LGALS4: variants seen among roughly 807,000 people sequenced by gnomAD.
LGALS4 encodes the protein galectin 4.
LGALS4 carries 37 observed loss-of-function variants against 39.6 expected under a neutral mutation model. That is an observed-to-expected ratio of 0.93 (90% CI 0.72 to 1.23). The LOEUF is 1.23. Among genes scored for constraint, LGALS4 ranks in the 50% most tolerant of loss-of-function variants. The pLI is 0.00. For missense variants in LGALS4, 397 were observed against 433.2 expected (o/e 0.92, Z 0.74); for synonymous variants, 160 against 165.5 (o/e 0.97, Z 0.25).
intron 4 of LGALS4, among the ~76,000 whole-genome samples, chr19:38,805,196 T>C (rs1426899671): frequency 6.7e-6 from 1 of 148,658 alleles, no homozygotes. Context: ...ATAATAATAA[T>C]AATAATAATA....
At chr19:38,803,720 C>T (rs1238755036) in intron 6 of LGALS4, 22 bp downstream of exon 6, 2 of 1,611,344 alleles carry the variant, frequency 1.2e-6, no homozygotes, top group Non-Finnish European at 1.7e-6. Flanking sequence ...TCACCCGGGG[C>T]CCTCCCAGCC....
intron 2 of LGALS4, among the ~76,000 whole-genome samples, chr19:38,811,309 C>A (rs1005077041): frequency 6.6e-6 from 1 of 151,912 alleles, no homozygotes; most frequent in African/African-American, 2.4e-5. Context: ...AATAGGCACT[C>A]AGTGAAGAAG....
intron 2 of LGALS4, among the ~76,000 whole-genome samples, chr19:38,811,304 G>C (rs958503996): frequency 1.3e-5 from 2 of 151,948 alleles, no homozygotes; most frequent in African/African-American, 4.8e-5. Context: ...CACAGAATAG[G>C]CACTCAGTGA....
chr19:38,801,722 G>A lies in LGALS4; in HGVS notation c.*42C>T. 3 of 1,606,386 alleles carry A rather than the reference G, an allele frequency of 1.9e-6. No individual in the cohort carries two copies. Among genetic ancestry groups the A allele is most frequent in the Non-Finnish European group, 2.6e-6 (3 of 1,174,524 alleles). ...TAGGGGCTTAGAAAGGAGTCCTAGG[G>A]GATAATTCTGTTTTCCCATGAGTTA... On this transcript the variant is annotated 3_prime_UTR_variant, in exon 10 of 10. Transcript: ENST00000307751.
intron 3 of LGALS4, among the ~76,000 whole-genome samples, chr19:38,807,404 C>G (rs1290629208): frequency 6.6e-6 from 1 of 151,988 alleles, no homozygotes; most frequent in African/African-American, 2.4e-5. Flanking sequence ...GCAAAAAACA[C>G]AAAGTGGTAG....
chr19:38,806,231 G>A (rs2145355863), intron 4 of LGALS4, among the ~76,000 whole-genome samples: 1 of 152,056 alleles, frequency 6.6e-6, no homozygotes, highest in African/African-American at 2.4e-5. Flanking sequence ...AGCCGGGCGT[G>A]GTGGCAGGCT....
chr19:38,806,587 TACC>T lies in LGALS4; in HGVS notation c.345_347del (p.Val116del). 1.2e-6 allele frequency: 2 copies of T among 1,613,768 alleles called. No individual in the cohort carries two copies. Among genetic ancestry groups the T allele is most frequent in the South Asian group, 2.2e-5 (2 of 91,070 alleles). Reference sequence around the variant, plus strand: ...CGTACTCATAGAAGGGATTTCCATTTACCACCACCTGGAGGGCAGAGATGGGAG... The same window carrying T: ...CGTACTCATAGAAGGGATTTCCATTTACCACCTGGAGGGCAGAGATGGGAG... On this transcript the variant is annotated inframe_deletion, in exon 4 of 10. Coordinates refer to ENST00000307751, the MANE Select transcript of LGALS4 (RefSeq NM_006149.4).
chr19:38,809,064 C>G, intron 2 of LGALS4, 116 bp from the exon 3 acceptor site: 1 of 844,258 alleles, frequency 1.2e-6, no homozygotes, highest in Non-Finnish European at 1.8e-6. Flanking sequence ...CGGACCTCAG[C>G]ACCAGCTCTG....
chr19:38,809,212 T>A (rs538542500), intron 2 of LGALS4, among the ~76,000 whole-genome samples: 1 of 145,122 alleles, frequency 6.9e-6, no homozygotes, highest in East Asian at 2.1e-4. Flanking sequence ...GGAGTCTTGC[T>A]CTGTTGCCCA....
At chr19:38,804,708 C>T (rs1775079399) in intron 4 of LGALS4, among the ~76,000 whole-genome samples, 1 of 151,988 alleles carries the variant, frequency 6.6e-6, no homozygotes, top group South Asian at 2.1e-4. Flanking sequence ...TGCCTGTAAT[C>T]ACAGCTACTT....
Position 38,802,109 on chromosome 19 carries a change from G to T in LGALS4, c.708C>A (p.His236Gln), listed in dbSNP as rs1449062223. 8 of 1,614,176 alleles carry T rather than the reference G, an allele frequency of 5.0e-6. No individual in the cohort carries two copies. Among genetic ancestry groups the T allele is most frequent in the Middle Eastern group, 1.7e-4 (1 of 6,058 alleles). ...TACCGTTGCCCATGCGGGGATTAATGTGCAGAGCTATGTCCCCTGAGGAGC... is the reference window on the plus strand; with the variant it reads ...TACCGTTGCCCATGCGGGGATTAATTTGCAGAGCTATGTCCCCTGAGGAGC... Reference protein sequence around the residue: ...KVGSSGDIALHINPRMGNGTV... With the variant: ...KVGSSGDIALQINPRMGNGTV... The change falls in exon 9 of 10, where the codon CAC becomes CAA. Residue 236 changes from histidine (H) to glutamine (Q), a missense_variant. Transcript: ENST00000307751.
chr19:38,804,902 T>A (rs952255721), intron 4 of LGALS4, among the ~76,000 whole-genome samples: 17 of 151,716 alleles, frequency 1.1e-4, no homozygotes, highest in African/African-American at 3.9e-4. Flanking sequence ...ACGCCTGTAA[T>A]CTCAGGACTT....
chr19:38,802,515 G>A (rs1294895527), intron 7 of LGALS4, 111 bp from the exon 8 acceptor site: 3 of 790,512 alleles, frequency 3.8e-6, no homozygotes, highest in Non-Finnish European at 6.3e-6. Context: ...TCTTATAAGA[G>A]ATGGGGTCTT....
In LGALS4 at chr19:38,808,828, G is replaced by A. The variant is rs1165345824; in HGVS notation, c.255C>T (p.Gly85=). The change falls in exon 3 of 10, where the codon GGC becomes GGT. Residue 85 remains glycine (G), a synonymous_variant. Coordinates refer to ENST00000307751, the MANE Select transcript of LGALS4 (RefSeq NM_006149.4). ...VFNTLQGGKW[G]SEERKRSMPF... ...GCATGCTCCTCTTCCTCTCCTCGCT[G>A]CCCCACTTCCCGCCCTGCAACGTGT... is the stretch of plus-strand genomic sequence containing the variant. 6.2e-7 allele frequency: 1 copy of A among 1,614,098 alleles called. No homozygotes were observed. The highest frequency in any genetic ancestry group is 1.1e-5 in the South Asian group (1 of 91,086).
At position 38,812,857 on chromosome 19, in the gene LGALS4, C is replaced by T. The variant is rs746916907; in HGVS notation, c.30G>A (p.Gln10=). 30 of 1,611,946 alleles carry T rather than the reference C, an allele frequency of 1.9e-5. No homozygotes were observed. The highest frequency in any genetic ancestry group is 2.5e-5 in the Non-Finnish European group (30 of 1,179,998). Residue 10 remains glutamine (Q), a synonymous_variant, in exon 1 of 10, where the codon CAG becomes CAA. Coordinates refer to ENST00000307751, the MANE Select transcript of LGALS4 (RefSeq NM_006149.4). The part of the protein sequence containing the change: MAYVPAPGY[Q]PTYNPTLPYY... ...GGCATCTCACCGGGTTGTAGGTGGG[C>T]TGGTAGCCCGGTGCGGGGACATAGG...
intron 3 of LGALS4, among the ~76,000 whole-genome samples, 178 bp from the exon 4 acceptor site, chr19:38,806,773 C>T (rs1971427311): frequency 6.6e-6 from 1 of 151,936 alleles, no homozygotes; most frequent in East Asian, 1.9e-4. Flanking sequence ...ATAGTGAAAC[C>T]CCATCTCTAC....
chr19:38,802,098 C>T lies in LGALS4; in HGVS notation c.719G>A (p.Arg240His), dbSNP rs371360675. ...CCGGACCACGGTACCGTTGCCCATG[C>T]GGGGATTAATGTGCAGAGCTATGTC... is the stretch of plus-strand genomic sequence containing the variant. Reference protein sequence around the residue: ...SGDIALHINPRMGNGTVVRNS... With the variant: ...SGDIALHINPHMGNGTVVRNS... The change falls in exon 9 of 10, where the codon CGC becomes CAC. Residue 240 changes from arginine (R) to histidine (H), a missense_variant. Transcript: ENST00000307751. The T allele has an allele frequency of 2.1e-4, 342 of 1,614,018 alleles. No homozygotes were observed. The highest frequency in any genetic ancestry group is 3.7e-4 in the South Asian group (34 of 91,086).
chr19:38,807,514 G>T (rs527719656), intron 3 of LGALS4, among the ~76,000 whole-genome samples: 1 of 151,974 alleles, frequency 6.6e-6, no homozygotes, highest in African/African-American at 2.4e-5. Flanking sequence ...GGCAGGAAAC[G>T]GCCGCCCTTC....
At chr19:38,803,290 T>C (rs1257438786) in intron 7 of LGALS4, 2 of 594,458 alleles carry the variant, frequency 3.4e-6, no homozygotes, top group Admixed American at 5.9e-5. Flanking sequence ...GTGCTGGGAT[T>C]ACAGGCGTGA....
Sources: gnomAD v4.1 joint callset for allele counts (sites outside exome capture counted in the v4.1 genomes callset) on GRCh38, gnomAD v4.1.1 for gene constraint, MANE v1.5 for transcripts, NCBI Gene and HGNC (gene_info 2026-07-23, HGNC 2026-07-21) for gene names.